TMLHE: variants seen among roughly 807,000 people sequenced by gnomAD.
TMLHE encodes the protein trimethyllysine dioxygenase, mitochondrial.
TMLHE carries 18 observed loss-of-function variants against 25.7 expected under a neutral mutation model. The observed-to-expected ratio is 0.70, with a 90% CI of 0.48 to 1.04. The LOEUF (loss-of-function observed/expected upper bound fraction) is 1.04. Among genes scored for constraint, TMLHE ranks in the 50% least tolerant of loss-of-function variants. The pLI is 0.00. For missense variants in TMLHE, 236 were observed against 259.0 expected (o/e 0.91, Z 0.61); for synonymous variants, 105 against 97.0 (o/e 1.08, Z -0.49).
At chrX:155,574,132 T>C (rs5940526) in intron 1 of TMLHE, among the ~76,000 whole-genome samples, 1 of 106,964 alleles carries the variant, frequency 9.3e-6, no homozygotes, top group African/African-American at 3.6e-5. Context: ...GCCTCCATAA[T>C]GGTTGTAGAG....
At chrX:155,606,787 C>T (rs1434436983) in intron 1 of TMLHE, among the ~76,000 whole-genome samples, 5 of 78,949 alleles carry the variant, frequency 6.3e-5, no homozygotes, top group Non-Finnish European at 1.3e-4. Context: ...CATCACCAAC[C>T]CCACAGAAAT....
chrX:155,553,070 A>G (rs1289665515), intron 1 of TMLHE, among the ~76,000 whole-genome samples: 4 of 110,638 alleles, frequency 3.6e-5, no homozygotes, highest in Non-Finnish European at 5.7e-5. Context: ...AAAAAATACT[A>G]TAATTGTTTA....
At chrX:155,547,216 C>T (rs1224209554) in intron 1 of TMLHE, among the ~76,000 whole-genome samples, 2 of 92,811 alleles carry the variant, frequency 2.2e-5, no homozygotes, top group African/African-American at 7.3e-5. Flanking sequence ...GCTATCTCGG[C>T]TCACTGCAAG....
intron 3 of TMLHE, among the ~76,000 whole-genome samples, chrX:155,522,545 C>G (rs1165596846): frequency 5.4e-5 from 6 of 112,074 alleles, no homozygotes; most frequent in Non-Finnish European, 9.4e-5. Context: ...ACAGCTACAT[C>G]CGCCACCTCC....
chrX:155,530,632 TA>T (rs2067244527), intron 2 of TMLHE, among the ~76,000 whole-genome samples: 1 of 112,284 alleles, frequency 8.9e-6, no homozygotes, highest in Non-Finnish European at 1.9e-5. Context: ...TAGTAACCAT[TA>T]TACTGTCTAT....
intron 1 of TMLHE, among the ~76,000 whole-genome samples, chrX:155,550,622 A>C (rs6642287): frequency 0.57 from 62,120 of 109,598 alleles, 14,805 homozygotes; most frequent in Middle Eastern, 0.78. Flanking sequence ...CTCATAGCTG[A>C]TTTACATGTT....
At chrX:155,598,081 G>A (rs2067733065) in intron 1 of TMLHE, among the ~76,000 whole-genome samples, 2 of 111,402 alleles carry the variant, frequency 1.8e-5, no homozygotes, top group Admixed American at 9.5e-5. Context: ...AAGGGTGAAG[G>A]GTTTCAAGAT....
intron 1 of TMLHE, among the ~76,000 whole-genome samples, chrX:155,585,527 T>C (rs2067659152): frequency 9.0e-6 from 1 of 111,051 alleles, no homozygotes; most frequent in Non-Finnish European, 1.9e-5. Context: ...AGTACATATA[T>C]GCACTCAATC....
chrX:155,585,861 A>G (rs1304779173), intron 1 of TMLHE, among the ~76,000 whole-genome samples: 1 of 112,303 alleles, frequency 8.9e-6, no homozygotes, highest in Non-Finnish European at 1.9e-5. Flanking sequence ...AGTCATATCA[A>G]GTATTTCAGA....
intron 2 of TMLHE, among the ~76,000 whole-genome samples, chrX:155,541,506 A>G (rs924954689): frequency 2.7e-5 from 3 of 111,538 alleles, no homozygotes; most frequent in African/African-American, 9.8e-5. Flanking sequence ...CAATAAACAT[A>G]TGTGTGCATA....
rs186272096 is a variant in TMLHE at position 155,507,203 on chromosome X, T to C, written c.759-69A>G. On this transcript the variant is annotated intron_variant, in intron 5 of 7. Coordinates refer to ENST00000334398, the MANE Select transcript of TMLHE (RefSeq NM_018196.4). ...ACATATCAAAATTCTAGAAATTATATATAAAATGATTACTGAAACTACTTG... is the reference window on the plus strand; with the variant it reads ...ACATATCAAAATTCTAGAAATTATACATAAAATGATTACTGAAACTACTTG... 11 of 680,704 alleles carry C rather than the reference T, an allele frequency of 1.6e-5. No individual in the cohort carries two copies. In the East Asian group the frequency reaches 2.9e-4, roughly 18 times the overall value. The allele number at this position is 680,704 out of a possible 1,213,427, so 56.1% of individuals were successfully genotyped here.
chrX:155,585,446 C>T lies in TMLHE; in HGVS notation c.-2+27346G>A, dbSNP rs897065117. Among the ~76,000 whole-genome samples the T allele has an allele frequency of 1.5e-4, 17 of 109,862 alleles. No homozygotes were observed. The East Asian group carries it at 4.8e-3, about 31-fold the overall frequency. ...ACACACACACACACACACACACACA[C>T]ACACACATATATATATGCTTTATGA... On this transcript the variant is annotated intron_variant, in intron 1 of 7. Transcript: ENST00000334398.
At chrX:155,553,834 C>G (rs1265013510) in intron 1 of TMLHE, among the ~76,000 whole-genome samples, 1 of 110,001 alleles carries the variant, frequency 9.1e-6, no homozygotes, top group African/African-American at 3.3e-5. Flanking sequence ...AGTGATTATT[C>G]TATGAATAAT....
At chrX:155,547,983 C>T (rs1487315307) in intron 1 of TMLHE, among the ~76,000 whole-genome samples, 4 of 111,433 alleles carry the variant, frequency 3.6e-5, no homozygotes, top group Non-Finnish European at 7.5e-5. Flanking sequence ...CCCATAATCT[C>T]ACTACTCAAA....
At chrX:155,534,933 C>T (rs182157088) in intron 2 of TMLHE, among the ~76,000 whole-genome samples, 12 of 111,537 alleles carry the variant, frequency 1.1e-4, no homozygotes, top group Non-Finnish European at 2.3e-4. Context: ...GTAGATTCCT[C>T]ATGATGGTAT....
chrX:155,555,857 A>G lies in TMLHE; in HGVS notation c.-1-10580T>C, dbSNP rs1364651190. ...CTGATGGTAGTTTCTTTTGCTGTGC[A>G]GAAGCTCTTTAGTTTAATTAGATCC... On this transcript the variant is annotated intron_variant, in intron 1 of 7. Transcript: ENST00000334398. 1.2e-4 allele frequency among the ~76,000 whole-genome samples: 13 copies of G among 110,049 alleles called. 1 individual carries two copies. The highest frequency in any genetic ancestry group is 1.2e-3 in the Admixed American group (12 of 10,357).
chrX:155,604,275 G>C (rs1001856314), intron 1 of TMLHE, among the ~76,000 whole-genome samples: 6 of 111,123 alleles, frequency 5.4e-5, no homozygotes, highest in Admixed American at 1.9e-4. Context: ...CCCTTGGATT[G>C]GGGAAGGAAC....
chrX:155,600,533 C>T (rs1178786650), intron 1 of TMLHE, among the ~76,000 whole-genome samples: 1 of 111,904 alleles, frequency 8.9e-6, no homozygotes, highest in Non-Finnish European at 1.9e-5. Flanking sequence ...TTGACTCCTC[C>T]ACAAAGAAGA....
Sources: gnomAD v4.1 joint callset for allele counts (sites outside exome capture counted in the v4.1 genomes callset) on GRCh38, gnomAD v4.1.1 for gene constraint, MANE v1.5 for transcripts, NCBI Gene and HGNC (gene_info 2026-07-23, HGNC 2026-07-21) for gene names.